The following GTPBP2 variants were observed in gnomAD, a reference collection of about 807,000 sequenced individuals.
The protein encoded by GTPBP2 is GTP-binding protein 2.
A neutral mutation model predicts 63.0 loss-of-function variants in GTPBP2; 32 were observed. That is an observed-to-expected ratio of 0.51 (90% confidence interval 0.38 to 0.68). The LOEUF is 0.68. Among genes scored for constraint, GTPBP2 ranks in the 30% least tolerant of loss-of-function variants. GTPBP2 has a pLI of 0.00. For missense variants in GTPBP2, 492 were observed against 796.9 expected, an observed-to-expected ratio of 0.62 and a Z score of 4.61; for synonymous variants, 310 against 322.6, an observed-to-expected ratio of 0.96 and a Z score of 0.42.
Position 43,621,153 on chromosome 6 carries a change from T to C in GTPBP2, c.*461A>G, listed in dbSNP as rs1768690485. On this transcript the variant is annotated 3_prime_UTR_variant, in exon 12 of 12. Transcript: ENST00000307126. Reference sequence around the variant, plus strand: ...CAGATGGCCAAGAGCAGATAACCTTTTGTCCACAGCCAGGTAGAGATGGGC... The same window carrying C: ...CAGATGGCCAAGAGCAGATAACCTTCTGTCCACAGCCAGGTAGAGATGGGC... 1 of 330,752 alleles carries C rather than the reference T, an allele frequency of 3.0e-6. No homozygotes were observed. Among genetic ancestry groups the C allele is most frequent in the Non-Finnish European group, 6.0e-6 (1 of 165,684 alleles). 20.5% of individuals were successfully genotyped at this position (330,752 alleles called of 1,614,324 possible). A position where few individuals can be genotyped will look rare whatever the true frequency, so the allele number is the denominator to read the frequency against.
Position 43,626,480 on chromosome 6 carries a change from G to T in GTPBP2, c.214-70C>A. On this transcript the variant is annotated intron_variant, in intron 2 of 11. Coordinates refer to ENST00000307126, the MANE Select transcript of GTPBP2 (RefSeq NM_019096.5). The surrounding 1 kb of genome is among the most constrained non-coding windows in gnomAD (Gnocchi z 4.0). ...TCCCAAACCTACATGGTCCCCACCT[G>T]TTCTGCTGCAAGGACCAGGACTTTC... The T allele has an allele frequency of 8.0e-7, 1 of 1,253,996 alleles. No individual in the cohort carries two copies. The highest frequency in any genetic ancestry group is 1.1e-6 in the Non-Finnish European group (1 of 869,678). The allele number at this position is 1,253,996 out of a possible 1,614,324, so 77.7% of individuals were successfully genotyped here.
In GTPBP2 at chr6:43,624,747, C is replaced by T. The variant is rs377499258; in HGVS notation, c.881-18G>A. ...GGTGCCAGCTGCCTCATAAGGACAG[C>T]AAGCAGCAGGAGAGAAGAGTGAGAA... On this transcript the variant is annotated intron_variant, in intron 6 of 11. Transcript: ENST00000307126. The surrounding 1 kb of genome is among the most constrained non-coding windows in gnomAD (Gnocchi z 5.1). 4.7e-5 allele frequency: 76 copies of T among 1,609,848 alleles called. No individual in the cohort carries two copies. Among genetic ancestry groups the T allele is most frequent in the Admixed American group, 4.2e-4 (25 of 59,992 alleles).
In GTPBP2 at chr6:43,624,763, AGAGT is replaced by A. The variant is rs1769158623; in HGVS notation, c.881-38_881-35del. 1.2e-6 allele frequency: 2 copies of A among 1,602,508 alleles called. No individual in the cohort carries two copies. The highest frequency in any genetic ancestry group is 1.3e-5 in the African/African-American group (1 of 74,662). ...TAAGGACAGCAAGCAGCAGGAGAGA[AGAGT>A]GAGAATGCAGGAGGGAGGAGAGGGA... On this transcript the variant is annotated intron_variant, in intron 6 of 11. Coordinates refer to ENST00000307126, the MANE Select transcript of GTPBP2 (RefSeq NM_019096.5). The surrounding 1 kb of genome is among the most constrained non-coding windows in gnomAD (Gnocchi z 5.1).
intron 1 of GTPBP2, chr6:43,628,521 C>A: frequency 1.0e-6 from 1 of 958,070 alleles, no homozygotes. Flanking sequence ...ACATACTGCT[C>A]TTTTCCCGAG....
rs755520205 is a variant in GTPBP2, at chr6:43,622,648, A to T, written c.1452T>A (p.Arg484=). 9 of 1,613,050 alleles carry T rather than the reference A, an allele frequency of 5.6e-6. No individual in the cohort carries two copies. In the South Asian group the frequency reaches 9.9e-5, roughly 18 times the overall value. ...CCCACCTCACCTTGCGAAGCAGTGC[A>T]CGGTCAAAGTCCCCAAGCGCCAGTG... ...AATLALGDFD[R]ALLRKGMVMV... is the part of the protein sequence containing the mutation. The change falls in exon 10 of 12, where the codon CGT becomes CGA. Residue 484 remains arginine (R), a synonymous_variant. Coordinates refer to ENST00000307126, the MANE Select transcript of GTPBP2 (RefSeq NM_019096.5). This position sits in a 1 kb window ranked among gnomAD's most constrained non-coding sequence, Gnocchi z 5.4.
chr6:43,629,773 A>G, upstream of GTPBP2: 2 of 1,562,760 alleles, frequency 1.3e-6, no homozygotes, highest in Non-Finnish European at 1.7e-6. Context: ...CGCTGGGGTG[A>G]GTCAGGGCGA....
In GTPBP2 at chr6:43,620,555, A is replaced by G. The variant is rs75208735; in HGVS notation, c.*1059T>C. On this transcript the variant is annotated 3_prime_UTR_variant, in exon 12 of 12. Transcript: ENST00000307126. ...TGTATTTAAATATATATACATATGT[A>G]TATATATATATATGCACAGAGAAAC... The G allele has an allele frequency of 8.7e-4, 134 of 153,838 alleles. 2 individuals are homozygous for G. In the East Asian group the frequency reaches 0.012, roughly 14 times the overall value. 9.5% of individuals were successfully genotyped at this position (153,838 alleles called of 1,614,324 possible). A position where few individuals can be genotyped will look rare whatever the true frequency, so the allele number is the denominator to read the frequency against.
chr6:43,624,167 G>A lies in GTPBP2; in HGVS notation c.1101-99C>T. On this transcript the variant is annotated intron_variant, in intron 7 of 11. Coordinates refer to ENST00000307126, the MANE Select transcript of GTPBP2 (RefSeq NM_019096.5). The surrounding 1 kb of genome is among the most constrained non-coding windows in gnomAD (Gnocchi z 5.1). ...GAAAGGTGAGCTTTGTTCTGGCTGGGGGCCCCTCTCTCCTGTCTGCAAATG... is the reference window on the plus strand; with the variant it reads ...GAAAGGTGAGCTTTGTTCTGGCTGGAGGCCCCTCTCTCCTGTCTGCAAATG... The A allele has an allele frequency of 8.8e-7, 1 of 1,130,262 alleles. No homozygotes were observed. The highest frequency in any genetic ancestry group is 2.6e-5 in the Admixed American group (1 of 39,002). The allele number at this position is 1,130,262 out of a possible 1,614,324, so 70.0% of individuals were successfully genotyped here.
In GTPBP2 at chr6:43,623,969, C is replaced by T. The variant is rs1769066015; in HGVS notation, c.1200G>A (p.Glu400=). ...TCAGCTGCTGCATGAGTTCCTCCTG[C>T]TCTTTGCTGTTGGTGAGTGGCGGCA... ...NILPPLTNSK[E]QEELMQQLTE... The change falls in exon 8 of 12, where the codon GAG becomes GAA. Residue 400 remains glutamate (E), a synonymous_variant. Coordinates refer to ENST00000307126, the MANE Select transcript of GTPBP2 (RefSeq NM_019096.5). 2 of 1,614,178 alleles carry T rather than the reference C, an allele frequency of 1.2e-6. No individual in the cohort carries two copies. Among genetic ancestry groups the T allele is most frequent in the South Asian group, 1.1e-5 (1 of 91,080 alleles).
At position 43,622,093 on chromosome 6, in the gene GTPBP2, G is replaced by A; in HGVS notation, c.1542C>T (p.Phe514=). Residue 514 remains phenylalanine (F), a synonymous_variant, in exon 11 of 12, where the codon TTC becomes TTT. Coordinates refer to ENST00000307126, the MANE Select transcript of GTPBP2 (RefSeq NM_019096.5). The surrounding 1 kb of genome is among the most constrained non-coding windows in gnomAD (Gnocchi z 5.4). ...SVFEAEIVLL[F]HATTFRRGFQ... ...ATCCTCGTCGGAAGGTGGTGGCATGGAACAGTAAGACTATCTCTGCCTCAA... is the reference window on the plus strand; with the variant it reads ...ATCCTCGTCGGAAGGTGGTGGCATGAAACAGTAAGACTATCTCTGCCTCAA... The A allele has an allele frequency of 6.2e-7, 1 of 1,614,100 alleles. No homozygotes were observed. Among genetic ancestry groups the A allele is most frequent in the Non-Finnish European group, 8.5e-7 (1 of 1,179,950 alleles).
Position 43,625,069 on chromosome 6 carries a change from C to G in GTPBP2, c.706-7G>C. 6.2e-7 allele frequency: 1 copy of G among 1,612,586 alleles called. No individual in the cohort carries two copies. The highest frequency in any genetic ancestry group is 8.5e-7 in the Non-Finnish European group (1 of 1,179,538). The stretch of plus-strand genomic sequence containing the variant: ...AGTCGCTGTAATTCACCACCTGGCC[C>G]AGGGCCCAGGGCCCTCAGTGCCTCC... On this transcript the variant is annotated splice_polypyrimidine_tract_variant and splice_region_variant and intron_variant, in intron 5 of 11. Transcript: ENST00000307126. This position sits in a 1 kb window ranked among gnomAD's most constrained non-coding sequence, Gnocchi z 5.1.
In GTPBP2 at chr6:43,626,964, G is replaced by A; in HGVS notation, c.187-16C>T. 1 of 1,609,206 alleles carries A rather than the reference G, an allele frequency of 6.2e-7. No homozygotes were observed. ...CATCTTCAGCCTGAAAAGAAACAGT[G>A]AGCAGTTACCATACACTGTACAGAC... is the stretch of plus-strand genomic sequence containing the variant. On this transcript the variant is annotated splice_polypyrimidine_tract_variant and intron_variant, in intron 1 of 11. Transcript: ENST00000307126. The surrounding 1 kb of genome is among the most constrained non-coding windows in gnomAD (Gnocchi z 4.0).
chr6:43,622,650 G>A lies in GTPBP2; in HGVS notation c.1450C>T (p.Arg484Cys), dbSNP rs1768881887. The A allele has an allele frequency of 2.5e-6, 4 of 1,612,862 alleles. No homozygotes were observed. Among genetic ancestry groups the A allele is most frequent in the Admixed American group, 1.7e-5 (1 of 59,976 alleles). ...CACCTCACCTTGCGAAGCAGTGCAC[G>A]GTCAAAGTCCCCAAGCGCCAGTGTA... ...AATLALGDFD[R>C]ALLRKGMVMV... The change falls in exon 10 of 12, where the codon CGT (arginine) becomes TGT (cysteine). Residue 484 changes from arginine (R) to cysteine (C), a missense_variant. Around this residue, in one of 2 missense-constraint regions of GTPBP2, gnomAD observed 400 missense variants for 710.8 expected, o/e 0.56. Coordinates refer to ENST00000307126, the MANE Select transcript of GTPBP2 (RefSeq NM_019096.5). The surrounding 1 kb of genome is among the most constrained non-coding windows in gnomAD (Gnocchi z 5.4).
At chr6:43,628,470 CTGTGTGTG>C (rs60906505) in intron 1 of GTPBP2, 273 of 432,904 alleles carry the variant, frequency 6.3e-4, no homozygotes, top group Middle Eastern at 4.7e-3. Context: ...CTGGCTTAGG[CTGTGTGTG>C]TGTGTGTGTG....
Position 43,624,176 on chromosome 6 carries a change from T to C in GTPBP2, c.1101-108A>G. ...GCTTTGTTCTGGCTGGGGGCCCCTC[T>C]CTCCTGTCTGCAAATGGCTCAGGAA... On this transcript the variant is annotated intron_variant, in intron 7 of 11. Transcript: ENST00000307126. The surrounding 1 kb of genome is among the most constrained non-coding windows in gnomAD (Gnocchi z 5.1). The C allele has an allele frequency of 1.0e-6, 1 of 969,244 alleles. No homozygotes were observed. The highest frequency in any genetic ancestry group is 2.4e-5 in the East Asian group (1 of 40,994). 60.0% of individuals were successfully genotyped at this position (969,244 alleles called of 1,614,324 possible).
chr6:43,628,437 T>A, intron 1 of GTPBP2: 1 of 436,848 alleles, frequency 2.3e-6, no homozygotes, highest in Non-Finnish European at 3.0e-6. Flanking sequence ...GGTGATTCGA[T>A]ACATGCCAAA....
intron 1 of GTPBP2, chr6:43,627,184 A>T (rs752694066): frequency 1.3e-4 from 104 of 793,930 alleles, no homozygotes; most frequent in Non-Finnish European, 1.8e-4. Flanking sequence ...TAAGCCAGGA[A>T]CAGAACACTG....
In GTPBP2 at chr6:43,629,067, G is replaced by A; in HGVS notation, c.96C>T (p.Ser32=). The A allele has an allele frequency of 1.2e-6, 2 of 1,604,160 alleles. No homozygotes were observed. Among genetic ancestry groups the A allele is most frequent in the Non-Finnish European group, 1.7e-6 (2 of 1,175,442 alleles). ...CCTTTGGCCCCCCGCAGCCGCTGCT[G>A]CTGCCGGCCCCCCTAGCCTTGAGGG... ...GGTLKARGAG[S]SSGCGGPKGK... The change falls in exon 1 of 12, where the codon AGC becomes AGT. Residue 32 remains serine (S), a synonymous_variant. Transcript: ENST00000307126.
At chr6:43,630,908 CA>C (rs753239311), upstream of GTPBP2, among the ~76,000 whole-genome samples, 2,377 of 53,660 alleles carry the variant, frequency 0.044, 8 homozygotes, top group Non-Finnish European at 0.055. Flanking sequence ...GACTTCGTCT[CA>C]AAAAAAAAAA....
Sources: gnomAD v4.1 joint callset for allele counts (sites outside exome capture counted in the v4.1 genomes callset) on GRCh38, gnomAD v4.1.1 for gene constraint, gnomAD v4.1.1 regional missense constraint, Gnocchi (gnomAD v3.1) non-coding constraint, MANE v1.5 for transcripts, NCBI Gene and HGNC (gene_info 2026-07-23, HGNC 2026-07-21) for gene names.